SIRT2: variants seen among roughly 807,000 people sequenced by gnomAD.
SIRT2 encodes the protein sirtuin 2.
Under a neutral mutation model 57.4 loss-of-function variants are expected in SIRT2, and 40 were observed. The ratio of observed to expected loss-of-function variants is 0.70; its 90% CI spans 0.54 to 0.91. The LOEUF is 0.91. Among genes scored for constraint, SIRT2 ranks in the 40% least tolerant of loss-of-function variants. The pLI is 0.00. For missense variants in SIRT2, 439 were observed against 510.4 expected, an observed-to-expected ratio of 0.86 and a Z score of 1.35; for synonymous variants, 161 against 195.7, an observed-to-expected ratio of 0.82 and a Z score of 1.48.
intron 2 of SIRT2, among the ~76,000 whole-genome samples, chr19:38,895,820 C>T (rs7254085): frequency 0.012 from 1,851 of 152,202 alleles, 40 homozygotes; most frequent in African/African-American, 0.04. Flanking sequence ...CGCCTGTAAT[C>T]CCAACACTTT....
At chr19:38,896,418 A>T (rs1973717922) in intron 2 of SIRT2, among the ~76,000 whole-genome samples, 1 of 152,172 alleles carries the variant, frequency 6.6e-6, no homozygotes, top group Non-Finnish European at 1.5e-5. Flanking sequence ...GCATCTTGCT[A>T]TGTTGCCCAG....
intron 3 of SIRT2, 67 bp downstream of exon 3, chr19:38,893,752 C>T: frequency 6.3e-7 from 1 of 1,579,720 alleles, no homozygotes; most frequent in Non-Finnish European, 8.7e-7. Context: ...GTATCACCCA[C>T]ACCCCTGCCC....
intron 8 of SIRT2, among the ~76,000 whole-genome samples, chr19:38,888,673 C>T (rs780754415): frequency 2.0e-5 from 3 of 152,180 alleles, no homozygotes; most frequent in African/African-American, 2.4e-5. Context: ...TTGTTGGACA[C>T]GTGTCATAGT....
In SIRT2 at chr19:38,880,265, C is replaced by T. The variant is rs1346892157; in HGVS notation, c.876+420G>A. ...GACTTGGGACAGTGTCTGCCCACAG[C>T]GTGCGCTGCTTGCCCGGTGACCCTG... On this transcript the variant is annotated intron_variant, in intron 13 of 15. Coordinates refer to ENST00000249396, the MANE Select transcript of SIRT2 (RefSeq NM_012237.4). The surrounding 1 kb of genome is among the most constrained non-coding windows in gnomAD (Gnocchi z 4.1). 3 of 200,478 alleles carry T rather than the reference C, an allele frequency of 1.5e-5. No individual in the cohort carries two copies. The highest frequency in any genetic ancestry group is 5.4e-5 in the Admixed American group (1 of 18,674). 12.4% of individuals were successfully genotyped at this position (200,478 alleles called of 1,614,324 possible).
intron 2 of SIRT2, chr19:38,894,801 C>G (rs547728139): frequency 2.0e-4 from 92 of 456,072 alleles, no homozygotes; most frequent in Non-Finnish European, 3.7e-4. Context: ...TCCAGGGCCT[C>G]TCTGCTTTCT....
At chr19:38,894,544 C>A (rs1184531295) in intron 2 of SIRT2, 1 of 295,136 alleles carries the variant, frequency 3.4e-6, no homozygotes, top group Non-Finnish European at 6.7e-6. Flanking sequence ...TGGGGTCTTC[C>A]CTTCGTTCCC....
At chr19:38,889,260 G>A in intron 7 of SIRT2, 105 bp from the exon 8 acceptor site, 1 of 1,092,080 alleles carries the variant, frequency 9.2e-7, no homozygotes, top group South Asian at 1.3e-5. Context: ...TTACCCCCAG[G>A]GAACCGTCAC....
intron 4 of SIRT2, among the ~76,000 whole-genome samples, 183 bp downstream of exon 4, chr19:38,893,231 A>G (rs1242912048): frequency 4.6e-5 from 7 of 152,088 alleles, no homozygotes; most frequent in Non-Finnish European, 8.8e-5. Flanking sequence ...AAGCACCTGG[A>G]CCCAGCCGTG....
At chr19:38,890,366 C>G (rs185511050) in intron 4 of SIRT2, among the ~76,000 whole-genome samples, 1 of 152,336 alleles carries the variant, frequency 6.6e-6, no homozygotes, top group East Asian at 1.9e-4. Flanking sequence ...GTCACACAAT[C>G]AACTGCGGAA....
At chr19:38,889,632 C>T (rs1973458716) in intron 7 of SIRT2, 57 bp downstream of exon 7, 2 of 1,598,334 alleles carry the variant, frequency 1.3e-6, no homozygotes, top group Admixed American at 3.3e-5. Flanking sequence ...CGGGGCTTCT[C>T]ATGCGTGCCC....
chr19:38,889,619 T>G (rs1973458200), intron 7 of SIRT2, 70 bp downstream of exon 7: 2 of 1,561,354 alleles, frequency 1.3e-6, no homozygotes, highest in Non-Finnish European at 1.8e-6. Context: ...TGCAGGGCCT[T>G]GGCGGGGCTT....
Position 38,879,205 on chromosome 19 carries a change from G to T in SIRT2, c.1120C>A (p.Pro374Thr), listed in dbSNP as rs1481255336. 1.3e-6 allele frequency: 2 copies of T among 1,590,118 alleles called. No homozygotes were observed. The highest frequency in any genetic ancestry group is 4.0e-5 in the Admixed American group (2 of 50,366). Residue 374 changes from proline (P) to threonine (T), a missense_variant, in exon 16 of 16, where the codon CCA becomes ACA. Pro to Thr is a conservative substitution (Grantham distance 38). Coordinates refer to ENST00000249396, the MANE Select transcript of SIRT2 (RefSeq NM_012237.4). The stretch of plus-strand genomic sequence containing the variant: ...GTCCTGGCCTCGTCCTTGGCAGGTG[G>T]CGGGGACTTCTTGGGGGAAGCTGAA... ...STSASPKKSP[P>T]PAKDEARTTE...
chr19:38,893,752 C>G (rs1973622929), intron 3 of SIRT2, 67 bp downstream of exon 3: 1 of 1,579,600 alleles, frequency 6.3e-7, no homozygotes, highest in African/African-American at 1.3e-5. Context: ...GTATCACCCA[C>G]ACCCCTGCCC....
intron 1 of SIRT2, chr19:38,898,636 G>T: frequency 2.5e-6 from 1 of 392,820 alleles, no homozygotes; most frequent in Non-Finnish European, 4.5e-6. Context: ...TTAGTGAGGG[G>T]CAGAGAGGCT....
chr19:38,890,039 C>T (rs373892878), intron 5 of SIRT2, 64 bp downstream of exon 5: 1 of 1,609,840 alleles, frequency 6.2e-7, no homozygotes, highest in Non-Finnish European at 8.5e-7. Context: ...AGGGCTCCTC[C>T]CCAGCCCTTG....
At chr19:38,898,543 G>A (rs1030452080) in intron 1 of SIRT2, 118 bp from the exon 2 acceptor site, 3 of 444,608 alleles carry the variant, frequency 6.7e-6, no homozygotes, top group Non-Finnish European at 1.2e-5. Context: ...ACTGGGATGG[G>A]ATGGTGGTAA....
intron 9 of SIRT2, among the ~76,000 whole-genome samples, chr19:38,882,404 G>A (rs530537233): frequency 1.8e-4 from 27 of 152,162 alleles, no homozygotes; most frequent in Non-Finnish European, 3.8e-4. Context: ...GGAGGCTGAG[G>A]CGAGTGGATC....
chr19:38,879,453 G>A lies in SIRT2; in HGVS notation c.995C>T (p.Ala332Val). The A allele has an allele frequency of 6.3e-7, 1 of 1,598,372 alleles. No homozygotes were observed. Among genetic ancestry groups the A allele is most frequent in the Non-Finnish European group, 8.5e-7 (1 of 1,172,334 alleles). ...GECDQGCLALAELLGWKKELE... is the reference protein window; with the variant it reads ...GECDQGCLALVELLGWKKELE... ...CCTCACCTTCCATCCAAGGAGCTCA[G>A]CAAGGGCCAGGCAGCCCTGGTCGCA... The change falls in exon 15 of 16, where the codon GCT (alanine) becomes GTT (valine). Residue 332 changes from alanine (A) to valine (V), a missense_variant. Ala to Val is a moderately conservative substitution (Grantham distance 64). Transcript: ENST00000249396.
chr19:38,895,242 C>T (rs74787532), intron 2 of SIRT2, among the ~76,000 whole-genome samples: 1 of 152,174 alleles, frequency 6.6e-6, no homozygotes, highest in African/African-American at 2.4e-5. Flanking sequence ...CCTCAGTCTC[C>T]ACCTCCCATC....
Sources: gnomAD v4.1 joint callset for allele counts (sites outside exome capture counted in the v4.1 genomes callset) on GRCh38, gnomAD v4.1.1 for gene constraint, Gnocchi (gnomAD v3.1) non-coding constraint, MANE v1.5 for transcripts, NCBI Gene and HGNC (gene_info 2026-07-23, HGNC 2026-07-21) for gene names.